BCLAF3: variants seen among roughly 807,000 people sequenced by gnomAD.
BCLAF3 encodes the protein transient octamer binding factor 1.
In BCLAF3, 24 loss-of-function variants were observed where a neutral mutation model predicts 51.2. The observed-to-expected ratio is 0.47, with a 90% CI of 0.34 to 0.66. BCLAF3 has a LOEUF of 0.66. Ranked by LOEUF, BCLAF3 falls within the 30% of genes least tolerant of loss-of-function variation. The pLI, the probability that BCLAF3 is intolerant of heterozygous loss-of-function variation, is 0.01. For synonymous variants in BCLAF3, 152 were observed against 176.6 expected (o/e 0.86, Z 1.10); for missense variants, 465 against 525.1 (o/e 0.89, Z 1.12).
intron 1 of BCLAF3, among the ~76,000 whole-genome samples, chrX:19,977,082 A>G (rs2072449866): frequency 8.9e-6 from 1 of 111,821 alleles, no homozygotes; most frequent in South Asian, 3.7e-4. Flanking sequence ...CAATAAATGT[A>G]GTATGTGTTC....
At chrX:19,932,617 C>T (rs57091768) in intron 10 of BCLAF3, among the ~76,000 whole-genome samples, 2,426 of 105,515 alleles carry the variant, frequency 0.023, 83 homozygotes, top group African/African-American at 0.08. Flanking sequence ...CTGCAATCTC[C>T]GCCTCCTGAG....
chrX:19,958,062 A>T (rs954347058), intron 4 of BCLAF3, among the ~76,000 whole-genome samples: 1 of 111,905 alleles, frequency 8.9e-6, no homozygotes, highest in Non-Finnish European at 1.9e-5. Context: ...CATTTTAGAC[A>T]ATTTAAAAAA....
intron 1 of BCLAF3, among the ~76,000 whole-genome samples, chrX:19,980,167 A>C (rs1208092078): frequency 8.9e-6 from 1 of 112,102 alleles, no homozygotes; most frequent in Non-Finnish European, 1.9e-5. Flanking sequence ...GTACCTTGGA[A>C]AATTAATCTA....
intron 10 of BCLAF3, 46 bp from the exon 11 acceptor site, chrX:19,929,986 A>G: frequency 8.6e-7 from 1 of 1,163,275 alleles, no homozygotes; most frequent in Non-Finnish European, 1.2e-6. Flanking sequence ...TACACCTTCC[A>G]AGTCTACTTT....
intron 1 of BCLAF3, among the ~76,000 whole-genome samples, chrX:19,978,872 G>A (rs757495038): frequency 9.1e-6 from 1 of 110,475 alleles, no homozygotes; most frequent in Non-Finnish European, 1.9e-5. Context: ...AAAGTGCTGG[G>A]ATTACAGGGG....
intron 8 of BCLAF3, among the ~76,000 whole-genome samples, chrX:19,946,223 T>A (rs1388418395): frequency 8.9e-6 from 1 of 111,928 alleles, no homozygotes; most frequent in Non-Finnish European, 1.9e-5. Flanking sequence ...AATGCAGAAA[T>A]CACCCGTCTT....
rs534521298 is a variant in BCLAF3, at chrX:19,936,989, G to T, written c.1860+429C>A. ...ATGCCTTAATAAATATGTTCCAAGA[G>T]ATCTTAAGTGTTGTTCCCAAAAAAT... On this transcript the variant is annotated intron_variant, in intron 9 of 11. Coordinates refer to ENST00000379682, the MANE Select transcript of BCLAF3 (RefSeq NM_001367774.2). 3.8e-4 allele frequency among the ~76,000 whole-genome samples: 43 copies of T among 111,756 alleles called. 1 individual carries two copies. In the South Asian group the frequency reaches 0.015, roughly 39 times the overall value.
intron 1 of BCLAF3, among the ~76,000 whole-genome samples, chrX:19,976,137 G>A (rs2072416547): frequency 9.0e-6 from 1 of 111,683 alleles, no homozygotes; most frequent in African/African-American, 3.3e-5. Flanking sequence ...ACATGTCCAT[G>A]AGCAAACTCC....
intron 1 of BCLAF3, among the ~76,000 whole-genome samples, chrX:19,978,440 T>G (rs893806516): frequency 2.8e-4 from 31 of 111,820 alleles, no homozygotes; most frequent in African/African-American, 1.0e-3. Flanking sequence ...GCAGATGTGG[T>G]AGAAACACCA....
chrX:19,918,007 T>C (rs1305492233), intron 11 of BCLAF3: 2 of 111,589 alleles, frequency 1.8e-5, no homozygotes, highest in African/African-American at 6.5e-5. Context: ...GGAGCAAACA[T>C]GGTAAAATGG....
intron 1 of BCLAF3, among the ~76,000 whole-genome samples, chrX:19,988,179 T>G (rs184948252): frequency 0.014 from 1,557 of 112,343 alleles, 9 homozygotes; most frequent in Middle Eastern, 0.019. Flanking sequence ...GTTTTATTTA[T>G]CATGAGCCCA....
At chrX:19,949,534 A>T (rs1024735475) in intron 8 of BCLAF3, among the ~76,000 whole-genome samples, 7 of 112,365 alleles carry the variant, frequency 6.2e-5, no homozygotes, top group African/African-American at 2.3e-4. Flanking sequence ...AGCTTGTGTC[A>T]TTAAGGAGCA....
At chrX:19,951,697 G>A (rs1200145494) in intron 7 of BCLAF3, among the ~76,000 whole-genome samples, 1 of 109,660 alleles carries the variant, frequency 9.1e-6, no homozygotes, top group African/African-American at 3.3e-5. Flanking sequence ...GGAGGCCGAG[G>A]TGGGTGGATC....
At chrX:19,968,514 G>T (rs973951068) in intron 2 of BCLAF3, among the ~76,000 whole-genome samples, 1 of 112,854 alleles carries the variant, frequency 8.9e-6, no homozygotes, top group African/African-American at 3.2e-5. Flanking sequence ...TGGAAAGCTC[G>T]CTGCCTCACG....
At chrX:19,988,196 G>C (rs755663474) in intron 1 of BCLAF3, among the ~76,000 whole-genome samples, 2 of 112,255 alleles carry the variant, frequency 1.8e-5, no homozygotes, top group East Asian at 5.6e-4. Context: ...CCCAAGTACT[G>C]TGTTTTATTT....
At chrX:19,971,034 G>A (rs1247604779) in intron 1 of BCLAF3, among the ~76,000 whole-genome samples, 1 of 112,285 alleles carries the variant, frequency 8.9e-6, no homozygotes, top group African/African-American at 3.2e-5. Flanking sequence ...AGGAATACGT[G>A]ATGGTATACT....
intron 2 of BCLAF3, among the ~76,000 whole-genome samples, chrX:19,966,936 A>G (rs1033928854): frequency 6.3e-5 from 7 of 111,383 alleles, no homozygotes; most frequent in Non-Finnish European, 1.3e-4. Flanking sequence ...TTAGGTGCAC[A>G]GCAGGATCCA....
chrX:19,958,975 A>G (rs951768924), intron 4 of BCLAF3, among the ~76,000 whole-genome samples: 4 of 112,037 alleles, frequency 3.6e-5, no homozygotes, highest in Admixed American at 9.5e-5. Flanking sequence ...TACTTCATAG[A>G]CAGCAATCCT....
In BCLAF3 at chrX:19,924,936, A is replaced by C. The variant is rs1016936806; in HGVS notation, c.2106+4849T>G. 9.0e-5 allele frequency among the ~76,000 whole-genome samples: 10 copies of C among 111,143 alleles called. No individual in the cohort carries two copies. The Admixed American group carries it at 9.7e-4, about 11-fold the overall frequency. On this transcript the variant is annotated intron_variant, in intron 11 of 11. Transcript: ENST00000379682. Reference sequence around the variant, plus strand: ...GTGGATTAAAGACAAGCCTTATTCCAGGTAGTAACAGACATTCCTCCCACC... The same window carrying C: ...GTGGATTAAAGACAAGCCTTATTCCCGGTAGTAACAGACATTCCTCCCACC...
Sources: gnomAD v4.1 joint callset for allele counts (sites outside exome capture counted in the v4.1 genomes callset) on GRCh38, gnomAD v4.1.1 for gene constraint, MANE v1.5 for transcripts, NCBI Gene and HGNC (gene_info 2026-07-23, HGNC 2026-07-21) for gene names.